The following SMC1B variants were observed in gnomAD, a reference collection of about 807,000 sequenced individuals.
The protein encoded by SMC1B is structural maintenance of chromosomes protein 1B.
In SMC1B, 60 loss-of-function variants were observed where a neutral mutation model predicts 157.9. That is an observed-to-expected ratio of 0.38 (90% confidence interval 0.31 to 0.47). The LOEUF (loss-of-function observed/expected upper bound fraction) is 0.47, where lower values mean the gene tolerates loss of function less well. Ranked by LOEUF, SMC1B falls within the 20% of genes least tolerant of loss-of-function variation. The pLI is 0.99. For missense variants in SMC1B, 1,165 were observed against 1,426.2 expected, an observed-to-expected ratio of 0.82 and a Z score of 2.95; for synonymous variants, 445 against 483.0, an observed-to-expected ratio of 0.92 and a Z score of 1.03.
intron 23 of SMC1B, among the ~76,000 whole-genome samples, chr22:45,348,687 T>G: frequency 6.6e-6 from 1 of 151,656 alleles, no homozygotes; most frequent in East Asian, 1.9e-4. Context: ...TCAACTTGTT[T>G]TAGATATTTA....
intron 4 of SMC1B, among the ~76,000 whole-genome samples, chr22:45,403,450 CTGTTTGTT>C (rs34642361): frequency 1.3e-5 from 2 of 151,070 alleles, no homozygotes; most frequent in Non-Finnish European, 2.9e-5. Context: ...ATCCCTGATC[CTGTTTGTT>C]TGTTTGTTTG....
At chr22:45,387,113 C>A in intron 10 of SMC1B, 67 bp from the exon 11 acceptor site, 1 of 1,343,492 alleles carries the variant, frequency 7.4e-7, no homozygotes, top group East Asian at 2.3e-5. Flanking sequence ...TCATTATATT[C>A]TTTCTCACAA....
chr22:45,400,111 G>A (rs1468330684), intron 5 of SMC1B, among the ~76,000 whole-genome samples: 1 of 152,150 alleles, frequency 6.6e-6, no homozygotes, highest in African/African-American at 2.4e-5. Context: ...AGTATACACA[G>A]GTATTTCCTA....
chr22:45,356,199 G>A (rs533377174), intron 19 of SMC1B, among the ~76,000 whole-genome samples: 1 of 152,152 alleles, frequency 6.6e-6, no homozygotes, highest in South Asian at 2.1e-4. Context: ...TTTTGACCAG[G>A]TAGATCCACT....
At chr22:45,401,791 C>T (rs1011203082) in intron 5 of SMC1B, among the ~76,000 whole-genome samples, 2 of 152,220 alleles carry the variant, frequency 1.3e-5, no homozygotes, top group Non-Finnish European at 1.5e-5. Flanking sequence ...CTCTTAACCT[C>T]ACTCCTTGTG....
chr22:45,387,384 T>C (rs2087000776), intron 10 of SMC1B, among the ~76,000 whole-genome samples: 2 of 151,926 alleles, frequency 1.3e-5, no homozygotes, highest in African/African-American at 2.4e-5. Flanking sequence ...TGGGAGACAG[T>C]AGTTGTAGTG....
chr22:45,362,934 AATGTGTTG>A lies in SMC1B; in HGVS notation c.2505_2512del (p.Asn836LysfsTer8). On this transcript the variant is annotated frameshift_variant, in exon 16 of 25. Transcript: ENST00000357450. LOFTEE classifies it high-confidence loss of function. The stretch of plus-strand genomic sequence containing the variant: ...ACTACCTTTCTGGATAGTTTCTTTT[AATGTGTTG>A]ATCTTATTCAGTTTCTTCTTAAGGT... The A allele has an allele frequency of 3.7e-6, 6 of 1,604,160 alleles. No individual in the cohort carries two copies. The highest frequency in any genetic ancestry group is 5.1e-6 in the Non-Finnish European group (6 of 1,174,916).
In SMC1B at chr22:45,372,143, A is replaced by C; in HGVS notation, c.2196+12T>G. ...TCAAATGCCTATCATATTTTATGTA[A>C]GTCTATATTACCTGGTAAAAAGCAA... On this transcript the variant is annotated intron_variant, in intron 13 of 24. Coordinates refer to ENST00000357450, the MANE Select transcript of SMC1B (RefSeq NM_148674.5). 1.3e-6 allele frequency: 2 copies of C among 1,582,906 alleles called. No homozygotes were observed. The highest frequency in any genetic ancestry group is 1.7e-6 in the Non-Finnish European group (2 of 1,167,812).
rs147420633 is a variant in SMC1B, at chr22:45,413,082, G to A, written c.109+377C>T. 9.1e-3 allele frequency among the ~76,000 whole-genome samples: 1,383 copies of A among 152,034 alleles called. 22 individuals are homozygous for A. The highest frequency in any genetic ancestry group is 0.031 in the African/African-American group (1,300 of 41,462). On this transcript the variant is annotated intron_variant, in intron 1 of 24. Coordinates refer to ENST00000357450, the MANE Select transcript of SMC1B (RefSeq NM_148674.5). ...TGGGGGGCGAGGGTTGGGAGCCCCT[G>A]AGATGAAGGGCGAGGGCCGGAGCTG...
intron 12 of SMC1B, among the ~76,000 whole-genome samples, chr22:45,372,740 TC>T (rs2086846981): frequency 2.0e-5 from 2 of 100,932 alleles, no homozygotes; most frequent in Non-Finnish European, 3.6e-5. Context: ...TGAGACAGAG[TC>T]TTGCTCTGTC....
chr22:45,408,329 G>T (rs2087288182), intron 2 of SMC1B, among the ~76,000 whole-genome samples: 1 of 152,068 alleles, frequency 6.6e-6, no homozygotes, highest in African/African-American at 2.4e-5. Flanking sequence ...GTTTCATCGT[G>T]TTAGCCAGGA....
chr22:45,351,259 A>G (rs1418808351), intron 22 of SMC1B, among the ~76,000 whole-genome samples: 1 of 152,210 alleles, frequency 6.6e-6, no homozygotes, highest in Non-Finnish European at 1.5e-5. Context: ...TCTTCGAGGC[A>G]GGCATTTTGT....
Position 45,383,501 on chromosome 22 carries a change from C to G in SMC1B, c.2024G>C (p.Arg675Thr). 3 of 1,608,360 alleles carry G rather than the reference C, an allele frequency of 1.9e-6. No homozygotes were observed. Among genetic ancestry groups the G allele is most frequent in the Non-Finnish European group, 2.5e-6 (3 of 1,178,356 alleles). ...TTGGATTTTCTGGCTTCGTCTGTCT[C>G]TTAGATTCTTTAACTCTTTCTCATC... ...CWDEKELKNL[R>T]DRRSQKIQEL... The change falls in exon 12 of 25, where the codon AGA becomes ACA. Residue 675 changes from arginine to threonine, a missense_variant. Physicochemically the swap from Arg to Thr is moderately conservative, Grantham distance 71. Transcript: ENST00000357450.
intron 1 of SMC1B, among the ~76,000 whole-genome samples, chr22:45,409,609 T>TAAAAAAAAAAA (rs71190664): frequency 2.4e-5 from 2 of 84,298 alleles, no homozygotes; most frequent in South Asian, 3.4e-4. Context: ...AATAAATAAA[T>TAAAAAAAAAAA]AAAAACAAGA....
intron 2 of SMC1B, among the ~76,000 whole-genome samples, 160 bp from the exon 3 acceptor site, chr22:45,407,025 T>C (rs911447547): frequency 3.9e-5 from 6 of 152,138 alleles, no homozygotes; most frequent in Non-Finnish European, 7.4e-5. Flanking sequence ...AAATATTGAG[T>C]GTCTATTACA....
intron 10 of SMC1B, among the ~76,000 whole-genome samples, chr22:45,388,822 A>G (rs1314678152): frequency 5.3e-5 from 8 of 151,144 alleles, no homozygotes; most frequent in Admixed American, 5.3e-4. Context: ...CTAAAAATAC[A>G]AAAAAAAGAA....
At chr22:45,372,502 G>C (rs961322020) in intron 12 of SMC1B, among the ~76,000 whole-genome samples, 1 of 152,050 alleles carries the variant, frequency 6.6e-6, no homozygotes. Context: ...AAAACTAACA[G>C]TGCTTAATAG....
intron 21 of SMC1B, 140 bp from the exon 22 acceptor site, chr22:45,352,742 T>G (rs1192318836): frequency 1.1e-5 from 9 of 828,268 alleles, no homozygotes; most frequent in Non-Finnish European, 1.5e-5. Context: ...AATAATGTAT[T>G]TAGTTCTACA....
intron 11 of SMC1B, among the ~76,000 whole-genome samples, 156 bp downstream of exon 11, chr22:45,386,711 A>ACT (rs755570017): frequency 2.3e-4 from 35 of 152,236 alleles, no homozygotes; most frequent in Non-Finnish European, 4.4e-4. Context: ...TATAAAAACC[A>ACT]CTGAAGCCAT....
Sources: allele counts gnomAD v4.1 joint callset (sites outside exome capture counted in the v4.1 genomes callset), GRCh38; gene constraint gnomAD v4.1.1; transcripts MANE v1.5; gene names NCBI Gene and HGNC (gene_info 2026-07-23, HGNC 2026-07-21).